The following PARD6G variants were observed in gnomAD, a reference collection of about 807,000 sequenced individuals.
PARD6G encodes par-6 family cell polarity regulator gamma.
In PARD6G, 7 loss-of-function variants were observed where a neutral mutation model predicts 10.7. That is an observed-to-expected ratio of 0.66 (90% confidence interval 0.37 to 1.23). PARD6G has a LOEUF of 1.23. Among genes scored for constraint, PARD6G ranks in the 50% most tolerant of loss-of-function variants. The pLI is 0.02. For missense variants in PARD6G, 548 were observed against 571.8 expected (o/e 0.96, Z 0.42); for synonymous variants, 287 against 269.4 (o/e 1.07, Z -0.64).
rs201373415 is a variant in PARD6G, at chr18:80,195,548, C to CATATAT, written c.295+7156_295+7161dup. Among the ~76,000 whole-genome samples the CATATAT allele has an allele frequency of 4.6e-3, 379 of 82,172 alleles. 19 individuals are homozygous for CATATAT. The highest frequency in any genetic ancestry group is 0.034 in the South Asian group (62 of 1,798). 53.9% of individuals were successfully genotyped at this position (82,172 alleles called of 152,430 possible). Reference sequence around the variant, plus strand: ...CACACAATAAGAGTCTTCAAAGATACATATATATATATATATATATATATA... The same window carrying CATATAT: ...CACACAATAAGAGTCTTCAAAGATACATATATATATATATATATATATATATATATA... On this transcript the variant is annotated intron_variant, in intron 2 of 2. Coordinates refer to ENST00000353265, the MANE Select transcript of PARD6G (RefSeq NM_032510.4).
In PARD6G at chr18:80,184,286, G is replaced by C. The variant is rs1156457976; in HGVS notation, c.295+18424C>G. On this transcript the variant is annotated intron_variant, in intron 2 of 2. Transcript: ENST00000353265. This position sits in a 1 kb window ranked among gnomAD's most constrained non-coding sequence, Gnocchi z 4.5. ...TCTATGTTGACGCCTCTGAGGAACT[G>C]CCGGGCTGCAGTGAATCCAGGTGAC... 1 of 152,246 alleles carries C rather than the reference G, an allele frequency of 6.6e-6. No individual in the cohort carries two copies. The highest frequency in any genetic ancestry group is 1.5e-5 in the Non-Finnish European group (1 of 68,054). 9.4% of individuals were successfully genotyped at this position (152,246 alleles called of 1,614,324 possible).
At chr18:80,223,715 T>C (rs759060475) in intron 1 of PARD6G, among the ~76,000 whole-genome samples, 3 of 152,232 alleles carry the variant, frequency 2.0e-5, no homozygotes, top group Non-Finnish European at 4.4e-5. Flanking sequence ...CTAGAAGCCA[T>C]GTTCAGAAAC....
intron 2 of PARD6G, among the ~76,000 whole-genome samples, chr18:80,167,410 C>T (rs1432793172): frequency 1.3e-5 from 2 of 152,164 alleles, no homozygotes; most frequent in African/African-American, 4.8e-5. Context: ...TGCAGCAGCT[C>T]ACTCAGGGCA....
Position 80,160,229 on chromosome 18 carries a change from C to T in PARD6G, c.673G>A (p.Ala225Thr), listed in dbSNP as rs1038231319. 4 of 1,613,002 alleles carry T rather than the reference C, an allele frequency of 2.5e-6. No individual in the cohort carries two copies. In the African/African-American group the frequency reaches 4.0e-5, roughly 16 times the overall value. ...GTGACCTGGTCCAGCGTCTTCCCGG[C>T]CACCTCAATGCCGTTCACCTCCAGG... ...EVLEVNGIEV[A>T]GKTLDQVTDM... Residue 225 changes from alanine (A) to threonine (T), a missense_variant, in exon 3 of 3, where the codon GCC (alanine) becomes ACC (threonine). Around this residue, in one of 2 missense-constraint regions of PARD6G, gnomAD observed 313 missense variants for 279.9 expected, o/e 1.12. Transcript: ENST00000353265.
rs1966910909 is a variant in PARD6G at position 80,192,783 on chromosome 18, C to G, written c.295+9927G>C. On this transcript the variant is annotated intron_variant, in intron 2 of 2. Transcript: ENST00000353265. The surrounding 1 kb of genome is among the most constrained non-coding windows in gnomAD (Gnocchi z 4.9). ...TCCACTGTTCATTATCTCCTCCTCA[C>G]AGTCCCCACGCTGTGGGCAGGGACC... 6.6e-6 allele frequency among the ~76,000 whole-genome samples: 1 copy of G among 152,156 alleles called. No individual in the cohort carries two copies. The highest frequency in any genetic ancestry group is 6.5e-5 in the Admixed American group (1 of 15,292).
rs1231269890 is a variant in PARD6G at position 80,188,212 on chromosome 18, T to C, written c.295+14498A>G. ...AATTAGATACAATTTTGTTTAATTA[T>C]GTGAACCTTCTTGGGTCCCATGGCT... On this transcript the variant is annotated intron_variant, in intron 2 of 2. Coordinates refer to ENST00000353265, the MANE Select transcript of PARD6G (RefSeq NM_032510.4). The surrounding 1 kb of genome is among the most constrained non-coding windows in gnomAD (Gnocchi z 5.4). 1.3e-5 allele frequency among the ~76,000 whole-genome samples: 2 copies of C among 152,148 alleles called. No homozygotes were observed. Among genetic ancestry groups the C allele is most frequent in the African/African-American group, 4.8e-5 (2 of 41,436 alleles).
chr18:80,185,115 A>G (rs1481493938), intron 2 of PARD6G, among the ~76,000 whole-genome samples: 1 of 152,184 alleles, frequency 6.6e-6, no homozygotes, highest in Non-Finnish European at 1.5e-5. Flanking sequence ...ATTGGACTAA[A>G]ATCGACGTTG....
At position 80,206,218 on chromosome 18, in the gene PARD6G, C is replaced by T. The variant is rs1967052664; in HGVS notation, c.73-3286G>A. On this transcript the variant is annotated intron_variant, in intron 1 of 2. Transcript: ENST00000353265. ...AATGATGAGGCTGACTTTGCCAACC[C>T]AGCTATATGGTAAACATGCTTCATA... Among the ~76,000 whole-genome samples the T allele has an allele frequency of 2.6e-5, 4 of 152,146 alleles. No individual in the cohort carries two copies. In the South Asian group the frequency reaches 8.3e-4, roughly 32 times the overall value.
chr18:80,241,467 A>C (rs1967488978), intron 1 of PARD6G, among the ~76,000 whole-genome samples: 1 of 145,006 alleles, frequency 6.9e-6, no homozygotes, highest in African/African-American at 2.9e-5. Flanking sequence ...CAATGCATTT[A>C]GGATGGTCCC....
intron 1 of PARD6G, among the ~76,000 whole-genome samples, chr18:80,219,531 A>G (rs1018858478): frequency 6.6e-6 from 1 of 152,132 alleles, no homozygotes; most frequent in African/African-American, 2.4e-5. Flanking sequence ...TTATCACATC[A>G]TCAGGCTGCA....
At position 80,158,357 on chromosome 18, in the gene PARD6G, A is replaced by G. The variant is rs1265874143; in HGVS notation, c.*1414T>C. Reference sequence around the variant, plus strand: ...TCAAAGACATTGCTGGACATGTGCGATGCTTATCCTTCATTTCTGCTGAAA... The same window carrying G: ...TCAAAGACATTGCTGGACATGTGCGGTGCTTATCCTTCATTTCTGCTGAAA... On this transcript the variant is annotated 3_prime_UTR_variant, in exon 3 of 3. Coordinates refer to ENST00000353265, the MANE Select transcript of PARD6G (RefSeq NM_032510.4). The G allele has an allele frequency of 6.6e-6, 1 of 152,242 alleles. No individual in the cohort carries two copies. Among genetic ancestry groups the G allele is most frequent in the Non-Finnish European group, 1.5e-5 (1 of 68,046 alleles). The allele number at this position is 152,242 out of a possible 1,614,324, so 9.4% of individuals were successfully genotyped here. A position where few individuals can be genotyped will look rare whatever the true frequency, so the allele number is the denominator to read the frequency against.
chr18:80,229,126 G>T (rs1444343465), intron 1 of PARD6G, among the ~76,000 whole-genome samples: 1 of 152,122 alleles, frequency 6.6e-6, no homozygotes, highest in East Asian at 1.9e-4. Context: ...TTTTAGTAGA[G>T]ATGGGGTTTC....
intron 1 of PARD6G, among the ~76,000 whole-genome samples, chr18:80,242,344 A>G (rs1049079527): frequency 6.6e-6 from 1 of 152,238 alleles, no homozygotes; most frequent in Admixed American, 6.5e-5. Flanking sequence ...ACAGGAGGCA[A>G]GTGTCAGCCA....
At position 80,246,793 on chromosome 18, in the gene PARD6G, G is replaced by A. The variant is rs1255485423; in HGVS notation, c.72+484C>T. On this transcript the variant is annotated intron_variant, in intron 1 of 2. Coordinates refer to ENST00000353265, the MANE Select transcript of PARD6G (RefSeq NM_032510.4). The surrounding 1 kb of genome is among the most constrained non-coding windows in gnomAD (Gnocchi z 6.7). Reference sequence around the variant, plus strand: ...GGTGGGGGACGCCGGGCTCGGAGCCGGCGGCAAGTCTCCTCCTGGCAGGTA... The same window carrying A: ...GGTGGGGGACGCCGGGCTCGGAGCCAGCGGCAAGTCTCCTCCTGGCAGGTA... Among the ~76,000 whole-genome samples, 1 of 151,974 alleles carries A rather than the reference G, an allele frequency of 6.6e-6. No homozygotes were observed. Among genetic ancestry groups the A allele is most frequent in the Non-Finnish European group, 1.5e-5 (1 of 67,942 alleles).
intron 1 of PARD6G, among the ~76,000 whole-genome samples, chr18:80,205,308 A>T (rs1348315171): frequency 1.3e-5 from 2 of 152,240 alleles, no homozygotes; most frequent in East Asian, 3.8e-4. Context: ...AAAGCCTACA[A>T]CATCAGTTTT....
chr18:80,185,734 ACACT>A (rs2052871072), intron 2 of PARD6G, among the ~76,000 whole-genome samples: 1 of 146,820 alleles, frequency 6.8e-6, no homozygotes, highest in Non-Finnish European at 1.5e-5. Context: ...ACACGCATAT[ACACT>A]CAGACATGCT....
chr18:80,184,077 G>A lies in PARD6G; in HGVS notation c.295+18633C>T, dbSNP rs903542559. The A allele has an allele frequency of 6.6e-6, 1 of 152,198 alleles. No individual in the cohort carries two copies. The highest frequency in any genetic ancestry group is 2.4e-5 in the African/African-American group (1 of 41,436). The allele number at this position is 152,198 out of a possible 1,614,324, so 9.4% of individuals were successfully genotyped here. A position where few individuals can be genotyped will look rare whatever the true frequency, so the allele number is the denominator to read the frequency against. ...TTGTCCAAACCAGACCCACCCCAAT[G>A]CATTTGCCTCTGATGTGAGAAAGAA... On this transcript the variant is annotated intron_variant, in intron 2 of 2. Coordinates refer to ENST00000353265, the MANE Select transcript of PARD6G (RefSeq NM_032510.4). This position sits in a 1 kb window ranked among gnomAD's most constrained non-coding sequence, Gnocchi z 4.5.
chr18:80,194,730 G>A (rs558381121), intron 2 of PARD6G, among the ~76,000 whole-genome samples: 1 of 152,248 alleles, frequency 6.6e-6, no homozygotes, highest in Admixed American at 6.5e-5. Flanking sequence ...AGTAACAATG[G>A]TAACAGAGGT....
chr18:80,193,987 G>T (rs984923770), intron 2 of PARD6G, among the ~76,000 whole-genome samples: 4 of 152,190 alleles, frequency 2.6e-5, no homozygotes, highest in Admixed American at 2.0e-4. Context: ...GGAGGGGATG[G>T]AAAGTACAGA....
Sources: gnomAD v4.1 joint callset for allele counts (sites outside exome capture counted in the v4.1 genomes callset) on GRCh38, gnomAD v4.1.1 for gene constraint, gnomAD v4.1.1 regional missense constraint, Gnocchi (gnomAD v3.1) non-coding constraint, MANE v1.5 for transcripts, NCBI Gene and HGNC (gene_info 2026-07-23, HGNC 2026-07-21) for gene names.